TBC1D8: variants seen among roughly 807,000 people sequenced by gnomAD.
The protein encoded by TBC1D8 is BUB2-like protein 1.
In TBC1D8, 65 loss-of-function variants were observed where a neutral mutation model predicts 118.8. The observed-to-expected ratio is 0.55, with a 90% CI of 0.45 to 0.67. The LOEUF (loss-of-function observed/expected upper bound fraction) is 0.67, where lower values mean the gene tolerates loss of function less well. TBC1D8 is among the 30% of genes least tolerant of loss of function. The probability of loss-of-function intolerance (pLI) is 0.00; values close to 1 mark genes in which losing one functional copy is unlikely to be tolerated. For synonymous variants in TBC1D8, 566 were observed against 595.8 expected (o/e 0.95, Z 0.73); for missense variants, 1,376 against 1,471.2 (o/e 0.94, Z 1.06).
rs558632467 is a variant in TBC1D8, at chr2:101,095,234, CAG to C, written c.128-4872_128-4871del. Among the ~76,000 whole-genome samples, 302 of 140,790 alleles carry C rather than the reference CAG, an allele frequency of 2.1e-3. 2 individuals are homozygous for C. Among genetic ancestry groups the C allele is most frequent in the Middle Eastern group, 3.6e-3 (1 of 276 alleles). 92.4% of individuals were successfully genotyped at this position (140,790 alleles called of 152,430 possible). On this transcript the variant is annotated intron_variant, in intron 1 of 19. Coordinates refer to ENST00000409318, the MANE Select transcript of TBC1D8 (RefSeq NM_001330348.2). ...TCTCCATTAATAAAGGCCAACGCAC[CAG>C]AGAAGTATTTTCTTTATTATTATTA...
At chr2:101,106,467 A>C (rs1677222931) in intron 1 of TBC1D8, among the ~76,000 whole-genome samples, 1 of 152,158 alleles carries the variant, frequency 6.6e-6, no homozygotes, top group South Asian at 2.1e-4. Context: ...CAGTGCGAGG[A>C]GTGAGGGAAA....
intron 2 of TBC1D8, among the ~76,000 whole-genome samples, chr2:101,087,468 CCT>C (rs1025576272): frequency 6.6e-6 from 1 of 151,746 alleles, no homozygotes; most frequent in African/African-American, 2.4e-5. Context: ...AAAAAAAAAC[CCT>C]GTCTCTACTA....
intron 1 of TBC1D8, among the ~76,000 whole-genome samples, chr2:101,096,889 A>G (rs1676491361): frequency 6.6e-6 from 1 of 152,152 alleles, no homozygotes; most frequent in Non-Finnish European, 1.5e-5. Context: ...ACGTAATTGG[A>G]ATAATAGGAG....
intron 17 of TBC1D8, among the ~76,000 whole-genome samples, chr2:101,015,661 G>GA (rs1679575271): frequency 1.3e-5 from 2 of 152,158 alleles, no homozygotes; most frequent in African/African-American, 4.8e-5. Flanking sequence ...CACGCTACGT[G>GA]ACTTCAAACT....
chr2:101,079,748 C>T lies in TBC1D8; in HGVS notation c.283+10461G>A, dbSNP rs927160687. Among the ~76,000 whole-genome samples, 4 of 127,820 alleles carry T rather than the reference C, an allele frequency of 3.1e-5. No individual in the cohort carries two copies. The Admixed American group carries it at 4.0e-4, about 13-fold the overall frequency. 83.9% of individuals were successfully genotyped at this position (127,820 alleles called of 152,430 possible). On this transcript the variant is annotated intron_variant, in intron 2 of 19. Transcript: ENST00000409318. ...TCGCCCAGGCTGGAGTGCAGTGGTG[C>T]GATCTCGGCTCACTACAAGCTCCGC... is the stretch of plus-strand genomic sequence containing the variant.
intron 17 of TBC1D8, among the ~76,000 whole-genome samples, chr2:101,012,864 A>G (rs1041783239): frequency 5.9e-5 from 9 of 152,254 alleles, no homozygotes; most frequent in Non-Finnish European, 1.2e-4. Context: ...TTGGAAAGCT[A>G]CCCTTACTTT....
At chr2:101,091,950 C>A (rs919112380) in intron 1 of TBC1D8, among the ~76,000 whole-genome samples, 1 of 152,160 alleles carries the variant, frequency 6.6e-6, no homozygotes, top group Non-Finnish European at 1.5e-5. Context: ...CATAACACCC[C>A]GTCATATATT....
intron 3 of TBC1D8, among the ~76,000 whole-genome samples, chr2:101,058,586 T>A (rs1296371123): frequency 6.6e-6 from 1 of 152,158 alleles, no homozygotes; most frequent in Non-Finnish European, 1.5e-5. Flanking sequence ...AGACTGTAAC[T>A]CACAGGAGGT....
At chr2:101,095,862 A>T (rs1432110124) in intron 1 of TBC1D8, among the ~76,000 whole-genome samples, 1 of 152,034 alleles carries the variant, frequency 6.6e-6, no homozygotes, top group Non-Finnish European at 1.5e-5. Flanking sequence ...CTCATTAGGG[A>T]TGTAAGGGTA....
rs747594422 is a variant in TBC1D8 at position 101,090,361 on chromosome 2, C to T, written c.131G>A (p.Arg44His). Residue 44 changes from arginine (R) to histidine (H), a missense_variant, in exon 2 of 20, where the codon CGC becomes CAC. Transcript: ENST00000409318. The stretch of plus-strand genomic sequence containing the variant: ...CACTGCATCCAGAGCGCCGACCAGG[C>T]GACCTTCAAAAGAAAAGAGAAGAAA... ...HGEGGGRLTG[R>H]LVGALDAVLD... 5 of 1,613,870 alleles carry T rather than the reference C, an allele frequency of 3.1e-6. No homozygotes were observed. Among genetic ancestry groups the T allele is most frequent in the African/African-American group, 1.3e-5 (1 of 75,040 alleles).
At chr2:101,114,204 T>G (rs1677725416) in intron 1 of TBC1D8, among the ~76,000 whole-genome samples, 1 of 152,228 alleles carries the variant, frequency 6.6e-6, no homozygotes, top group Admixed American at 6.5e-5. Flanking sequence ...TCATATTTAC[T>G]TGATTTTTAT....
chr2:101,014,209 T>C (rs1679445260), intron 17 of TBC1D8, among the ~76,000 whole-genome samples: 1 of 152,154 alleles, frequency 6.6e-6, no homozygotes. Flanking sequence ...TTTTTTTTTT[T>C]CAAGGAAGTT....
intron 1 of TBC1D8, among the ~76,000 whole-genome samples, chr2:101,120,284 G>A (rs535735069): frequency 3.3e-5 from 5 of 152,262 alleles, no homozygotes; most frequent in South Asian, 2.1e-4. Flanking sequence ...CGGCCTTCCC[G>A]GTGCCCACCC....
chr2:101,049,296 G>T (rs1681901827), intron 5 of TBC1D8, among the ~76,000 whole-genome samples: 1 of 152,202 alleles, frequency 6.6e-6, no homozygotes, highest in African/African-American at 2.4e-5. Context: ...TCTAGGATTA[G>T]TATCAATTTG....
intron 2 of TBC1D8, among the ~76,000 whole-genome samples, chr2:101,070,107 TG>T (rs1683230316): frequency 6.6e-6 from 1 of 151,858 alleles, no homozygotes; most frequent in Non-Finnish European, 1.5e-5. Context: ...AGTAGAGATG[TG>T]GTTTCATCAC....
At chr2:101,135,591 G>A (rs1173177633) in intron 1 of TBC1D8, among the ~76,000 whole-genome samples, 2 of 152,200 alleles carry the variant, frequency 1.3e-5, no homozygotes, top group African/African-American at 4.8e-5. Context: ...CACATTCAGC[G>A]ATATGCACTG....
rs569939814 is a variant in TBC1D8 at position 101,127,502 on chromosome 2, A to C, written c.127+23625T>G. ...AGAGAACAGACGTCAGTATGGAGAA[A>C]AGAAAGCACTCTGCAATCAAAAGAA... On this transcript the variant is annotated intron_variant, in intron 1 of 19. Coordinates refer to ENST00000409318, the MANE Select transcript of TBC1D8 (RefSeq NM_001330348.2). 3.3e-5 allele frequency among the ~76,000 whole-genome samples: 5 copies of C among 152,252 alleles called. No homozygotes were observed. The South Asian group carries it at 1.0e-3, about 32-fold the overall frequency.
intron 1 of TBC1D8, among the ~76,000 whole-genome samples, chr2:101,107,945 G>C (rs13387956): frequency 0.32 from 48,935 of 151,940 alleles, 7,994 homozygotes; most frequent in East Asian, 0.38. Context: ...TGTAGTCCCA[G>C]CTACTCAGGA....
chr2:101,032,217 G>T, intron 11 of TBC1D8, 51 bp downstream of exon 11: 2 of 1,514,640 alleles, frequency 1.3e-6, no homozygotes, highest in African/African-American at 1.4e-5. Flanking sequence ...TCCTGCCCAG[G>T]CTCTGTCACT....
Sources: allele counts gnomAD v4.1 joint callset (sites outside exome capture counted in the v4.1 genomes callset), GRCh38; gene constraint gnomAD v4.1.1; transcripts MANE v1.5; gene names NCBI Gene and HGNC (gene_info 2026-07-23, HGNC 2026-07-21).